The following IL1RAPL2 variants were observed in gnomAD, a reference collection of about 807,000 sequenced individuals.
IL1RAPL2 encodes the protein interleukin 1 receptor accessory protein like 2, also known as X-linked interleukin-1 receptor accessory protein-like 2.
A neutral mutation model predicts 44.1 loss-of-function variants in IL1RAPL2; 3 were observed. The ratio of observed to expected loss-of-function variants is 0.07; its 90% CI spans 0.03 to 0.18. IL1RAPL2 has a LOEUF of 0.18. Among genes scored for constraint, IL1RAPL2 ranks in the 10% least tolerant of loss-of-function variants. IL1RAPL2 has a pLI of 1.00. For missense variants in IL1RAPL2, 391 were observed against 496.4 expected (o/e 0.79, Z 2.02); for synonymous variants, 181 against 178.8 (o/e 1.01, Z -0.10).
rs373760402 is a variant in IL1RAPL2 at position 104,856,647 on chromosome X, A to G, written c.82+197652A>G. 4.5e-4 allele frequency among the ~76,000 whole-genome samples: 50 copies of G among 112,065 alleles called. No individual in the cohort carries two copies. In the East Asian group the frequency reaches 7.0e-3, roughly 16 times the overall value. ...CTCTTTAACTACTCCCACTCCTGCC[A>G]TACTTAGTACCAGTGTCTTATACAT... On this transcript the variant is annotated intron_variant, in intron 2 of 10. Coordinates refer to ENST00000372582, the MANE Select transcript of IL1RAPL2 (RefSeq NM_017416.2).
intron 2 of IL1RAPL2, among the ~76,000 whole-genome samples, chrX:104,889,596 T>C (rs1470201635): frequency 9.0e-6 from 1 of 111,113 alleles, no homozygotes; most frequent in Non-Finnish European, 1.9e-5. Flanking sequence ...AAATCAGACA[T>C]TATCAGTACC....
chrX:104,771,424 CTG>C (rs1416113941), intron 2 of IL1RAPL2, among the ~76,000 whole-genome samples: 1 of 112,418 alleles, frequency 8.9e-6, no homozygotes, highest in African/African-American at 3.2e-5. Context: ...CAGATACTGA[CTG>C]TGTATCTTTT....
At chrX:104,901,199 CTTTTTTTTTTT>C (rs1194148816) in intron 2 of IL1RAPL2, among the ~76,000 whole-genome samples, 34 of 32,124 alleles carry the variant, frequency 1.1e-3, no homozygotes, top group African/African-American at 4.2e-3. Context: ...TCTTTTGCTT[CTTTTTTTTTTT>C]TTTTTTTTTT....
intron 6 of IL1RAPL2, among the ~76,000 whole-genome samples, chrX:105,708,114 C>T (rs748111778): frequency 3.6e-5 from 4 of 111,228 alleles, no homozygotes; most frequent in South Asian, 3.8e-4. Context: ...GACAGCTTTG[C>T]GTTTCATTTT....
rs771906463 is a variant in IL1RAPL2, at chrX:105,338,888, T to G, written c.697+71347T>G. ...GCTGAGGTGGATGGATCACCTGAGGTCAGGAGTTCGAGACCAGCCTGGCCA... is the reference window on the plus strand; with the variant it reads ...GCTGAGGTGGATGGATCACCTGAGGGCAGGAGTTCGAGACCAGCCTGGCCA... On this transcript the variant is annotated intron_variant, in intron 5 of 10. Coordinates refer to ENST00000372582, the MANE Select transcript of IL1RAPL2 (RefSeq NM_017416.2). 4.5e-5 allele frequency among the ~76,000 whole-genome samples: 5 copies of G among 111,003 alleles called. No individual in the cohort carries two copies. The East Asian group carries it at 1.4e-3, about 32-fold the overall frequency.
chrX:105,399,705 A>G (rs1207146160), intron 5 of IL1RAPL2, among the ~76,000 whole-genome samples: 1 of 111,398 alleles, frequency 9.0e-6, no homozygotes, highest in Non-Finnish European at 1.9e-5. Context: ...TAATTTTTCA[A>G]CTTCATTTAT....
chrX:105,033,673 A>T (rs2031559927), intron 2 of IL1RAPL2, among the ~76,000 whole-genome samples: 1 of 110,782 alleles, frequency 9.0e-6, no homozygotes. Context: ...CCTTCATTTC[A>T]ACTTTGGTGA....
At chrX:105,706,410 G>A (rs776897921) in intron 6 of IL1RAPL2, among the ~76,000 whole-genome samples, 138 of 111,914 alleles carry the variant, frequency 1.2e-3, no homozygotes, top group African/African-American at 4.3e-3. Flanking sequence ...TATTTGATGA[G>A]ACTAGCCAAT....
chrX:105,604,796 A>G (rs1602486135), intron 6 of IL1RAPL2, among the ~76,000 whole-genome samples: 1 of 111,588 alleles, frequency 9.0e-6, no homozygotes, highest in Middle Eastern at 4.6e-3. Flanking sequence ...CAAAAAGCCT[A>G]TAAAGAAGAC....
chrX:105,723,940 T>C lies in IL1RAPL2; in HGVS notation c.902+6444T>C, dbSNP rs770598712. On this transcript the variant is annotated intron_variant, in intron 7 of 10. Coordinates refer to ENST00000372582, the MANE Select transcript of IL1RAPL2 (RefSeq NM_017416.2). ...ATTTAGACCATAGCAAGGGCATTGC[T>C]TTGGGCCCATTTAAAAATTGAATCA... Among the ~76,000 whole-genome samples, 10 of 111,614 alleles carry C rather than the reference T, an allele frequency of 9.0e-5. 1 individual carries two copies. The highest frequency in any genetic ancestry group is 3.2e-4 in the African/African-American group (10 of 30,807).
chrX:104,967,052 C>A (rs1374047658), intron 2 of IL1RAPL2, among the ~76,000 whole-genome samples: 1 of 112,079 alleles, frequency 8.9e-6, no homozygotes, highest in African/African-American at 3.2e-5. Flanking sequence ...ATTTGTACAA[C>A]AGAATTAATA....
chrX:104,568,332 G>A (rs764533416), intron 1 of IL1RAPL2, among the ~76,000 whole-genome samples: 1 of 111,643 alleles, frequency 9.0e-6, no homozygotes, highest in African/African-American at 3.3e-5. Flanking sequence ...AGTTCAGCAC[G>A]GGCGTCCTAC....
In IL1RAPL2 at chrX:104,904,782, T is replaced by C. The variant is rs1181382909; in HGVS notation, c.82+245787T>C. 1.9e-4 allele frequency among the ~76,000 whole-genome samples: 21 copies of C among 109,706 alleles called. 1 individual carries two copies. The South Asian group carries it at 8.5e-3, about 44-fold the overall frequency. On this transcript the variant is annotated intron_variant, in intron 2 of 10. Coordinates refer to ENST00000372582, the MANE Select transcript of IL1RAPL2 (RefSeq NM_017416.2). ...AAACATACATGTGCATGTGTCTTTA[T>C]AGCAGCATGATTTATAGTCCTTTGG...
intron 2 of IL1RAPL2, among the ~76,000 whole-genome samples, chrX:104,762,734 TG>T (rs1932484756): frequency 8.9e-6 from 1 of 112,301 alleles, no homozygotes; most frequent in Non-Finnish European, 1.9e-5. Context: ...TCCTGATTTC[TG>T]GTCAAGAAGG....
At chrX:105,090,154 A>T (rs2032526172) in intron 2 of IL1RAPL2, among the ~76,000 whole-genome samples, 1 of 111,199 alleles carries the variant, frequency 9.0e-6, no homozygotes. Context: ...TCTCCTTGAC[A>T]AGATGCAGGC....
chrX:105,316,124 A>G (rs6621961), intron 5 of IL1RAPL2, among the ~76,000 whole-genome samples: 21,053 of 109,717 alleles, frequency 0.19, 1,977 homozygotes, highest in East Asian at 0.45. Context: ...AAATACAAAA[A>G]TTAGCCAGGT....
intron 2 of IL1RAPL2, among the ~76,000 whole-genome samples, chrX:105,165,424 C>T (rs1569396011): frequency 9.0e-6 from 1 of 111,481 alleles, no homozygotes; most frequent in Admixed American, 9.6e-5. Flanking sequence ...CTACTGTTCT[C>T]TTTGCTACTT....
At chrX:104,872,506 A>G (rs1383182838) in intron 2 of IL1RAPL2, among the ~76,000 whole-genome samples, 1 of 111,864 alleles carries the variant, frequency 8.9e-6, no homozygotes, top group Non-Finnish European at 1.9e-5. Flanking sequence ...GACTTTTGTC[A>G]AGGTCACAAG....
At chrX:104,761,679 G>A (rs905197054) in intron 2 of IL1RAPL2, among the ~76,000 whole-genome samples, 17 of 111,559 alleles carry the variant, frequency 1.5e-4, no homozygotes, top group East Asian at 1.4e-3. Flanking sequence ...TAATTACTTC[G>A]TAGATACAAT....
Sources: gnomAD v4.1 joint callset for allele counts (sites outside exome capture counted in the v4.1 genomes callset) on GRCh38, gnomAD v4.1.1 for gene constraint, MANE v1.5 for transcripts, NCBI Gene and HGNC (gene_info 2026-07-23, HGNC 2026-07-21) for gene names.